Variants in CTSS observed in about 807,000 individuals in gnomAD.
The protein encoded by CTSS is cathepsin S.
A neutral mutation model predicts 39.9 loss-of-function variants in CTSS; 15 were observed. That is an observed-to-expected ratio of 0.38 (90% CI 0.25 to 0.58). The LOEUF (loss-of-function observed/expected upper bound fraction) is 0.58. CTSS is among the 20% of genes least tolerant of loss of function. The probability of loss-of-function intolerance (pLI) is 0.70; values close to 1 mark genes in which losing one functional copy is unlikely to be tolerated. For missense variants in CTSS, 250 were observed against 398.2 expected, an observed-to-expected ratio of 0.63 and a Z score of 3.17; for synonymous variants, 126 against 138.2, an observed-to-expected ratio of 0.91 and a Z score of 0.62.
chr1:150,762,426 C>T (rs181777604), intron 2 of CTSS, among the ~76,000 whole-genome samples: 36 of 152,044 alleles, frequency 2.4e-4, no homozygotes, highest in Admixed American at 2.2e-3. Flanking sequence ...AATAGACGAA[C>T]GGGACTCCAT....
intron 7 of CTSS, among the ~76,000 whole-genome samples, chr1:150,735,798 C>T (rs1198392392): frequency 6.6e-6 from 1 of 150,598 alleles, no homozygotes; most frequent in African/African-American, 2.4e-5. Flanking sequence ...GCTCTGTGGC[C>T]CAGGCTGGAG....
chr1:150,755,265 C>T, intron 3 of CTSS, 115 bp from the exon 4 acceptor site: 1 of 1,201,820 alleles, frequency 8.3e-7, no homozygotes, highest in East Asian at 2.4e-5. Flanking sequence ...TTACACAAAC[C>T]TAGAGCGTAT....
intron 7 of CTSS, among the ~76,000 whole-genome samples, chr1:150,734,796 G>A (rs1272801773): frequency 1.3e-5 from 2 of 151,990 alleles, no homozygotes; most frequent in African/African-American, 2.4e-5. Flanking sequence ...TAATGAAAAA[G>A]TCACCAAAAT....
chr1:150,753,949 C>CAAAAG (rs1447934454), intron 4 of CTSS, among the ~76,000 whole-genome samples: 4 of 149,882 alleles, frequency 2.7e-5, no homozygotes, highest in African/African-American at 9.8e-5. Flanking sequence ...TCAAACAAAA[C>CAAAAG]AAAACAAAAC....
chr1:150,763,146 A>G (rs1348488547), intron 2 of CTSS, among the ~76,000 whole-genome samples: 8 of 152,026 alleles, frequency 5.3e-5, no homozygotes, highest in African/African-American at 9.7e-5. Context: ...AACAACATGG[A>G]TGGGTCTAGA....
rs752207029 is a variant in CTSS at position 150,757,842 on chromosome 1, C to T, written c.249+16G>A. 105 of 1,604,094 alleles carry T rather than the reference C, an allele frequency of 6.5e-5. No homozygotes were observed. Among genetic ancestry groups the T allele is most frequent in the Non-Finnish European group, 8.8e-5 (103 of 1,173,438 alleles). On this transcript the variant is annotated intron_variant, in intron 3 of 7. Transcript: ENST00000368985. ...TTACCCAGACGTGAAAGTGGGATTT[C>T]TTGTAATGTACCTACCATGTCTCCC...
At chr1:150,761,135 C>T (rs587727007) in intron 2 of CTSS, among the ~76,000 whole-genome samples, 12 of 144,980 alleles carry the variant, frequency 8.3e-5, no homozygotes, top group Middle Eastern at 3.6e-3. Context: ...GCCGAGATTG[C>T]GCCACTGCAC....
At chr1:150,746,646 T>C (rs920208785) in intron 7 of CTSS, among the ~76,000 whole-genome samples, 1 of 152,186 alleles carries the variant, frequency 6.6e-6, no homozygotes, top group African/African-American at 2.4e-5. Context: ...AGATTGTGCC[T>C]GAGCTACTTC....
chr1:150,747,976 A>G (rs1652922844), intron 6 of CTSS, 97 bp from the exon 7 acceptor site: 1 of 791,602 alleles, frequency 1.3e-6, no homozygotes, highest in African/African-American at 1.8e-5. Context: ...TGCTTTGGAT[A>G]CATAGCAAGG....
chr1:150,756,106 GT>G (rs1044842899), intron 3 of CTSS, among the ~76,000 whole-genome samples: 13 of 151,946 alleles, frequency 8.6e-5, no homozygotes, highest in Non-Finnish European at 1.3e-4. Flanking sequence ...TTTTTTAAAA[GT>G]TTTTACACTT....
At chr1:150,735,370 C>T (rs1652611572) in intron 7 of CTSS, among the ~76,000 whole-genome samples, 1 of 152,206 alleles carries the variant, frequency 6.6e-6, no homozygotes, top group East Asian at 1.9e-4. Context: ...TCTACTCCCA[C>T]CTTACTGGTC....
At chr1:150,749,662 T>G (rs897000883) in intron 6 of CTSS, among the ~76,000 whole-genome samples, 1 of 150,038 alleles carries the variant, frequency 6.7e-6, no homozygotes. Context: ...TCTTCCTTGT[T>G]TTTTAGAGAC....
At chr1:150,738,497 T>C (rs1652681252) in intron 7 of CTSS, among the ~76,000 whole-genome samples, 1 of 151,978 alleles carries the variant, frequency 6.6e-6, no homozygotes, top group African/African-American at 2.4e-5. Context: ...GTGATTTTTT[T>C]TTTTTTTTTG....
intron 7 of CTSS, among the ~76,000 whole-genome samples, chr1:150,741,287 C>T (rs956671436): frequency 1.1e-4 from 16 of 152,142 alleles, no homozygotes; most frequent in African/African-American, 3.9e-4. Flanking sequence ...CATGAGCTTA[C>T]CACATTCAGC....
intron 3 of CTSS, 63 bp from the exon 4 acceptor site, chr1:150,755,213 C>T (rs1032510197): frequency 1.4e-5 from 21 of 1,554,132 alleles, no homozygotes; most frequent in Non-Finnish European, 1.8e-5. Context: ...AGAAATGCAT[C>T]GTTAGGTGAT....
chr1:150,738,992 C>T (rs587636216), intron 7 of CTSS, among the ~76,000 whole-genome samples: 3 of 152,122 alleles, frequency 2.0e-5, no homozygotes, highest in South Asian at 4.2e-4. Context: ...GACAAGAGTT[C>T]GAGACCAGCC....
chr1:150,761,641 G>A (rs1488402743), intron 2 of CTSS, among the ~76,000 whole-genome samples: 1 of 152,152 alleles, frequency 6.6e-6, no homozygotes, highest in East Asian at 1.9e-4. Flanking sequence ...TGAGGCAGGA[G>A]AATTGCTTGA....
intron 7 of CTSS, among the ~76,000 whole-genome samples, chr1:150,741,637 G>T (rs1230782962): frequency 6.6e-6 from 1 of 152,188 alleles, no homozygotes; most frequent in Non-Finnish European, 1.5e-5. Context: ...ACTTTGGGAG[G>T]CCAAGACAGG....
chr1:150,754,381 T>C (rs1037873719), intron 4 of CTSS, among the ~76,000 whole-genome samples: 2 of 151,690 alleles, frequency 1.3e-5, no homozygotes. Flanking sequence ...GGAAAAGTGC[T>C]GGGATTACAG....
Sources: allele counts gnomAD v4.1 joint callset (sites outside exome capture counted in the v4.1 genomes callset), GRCh38; gene constraint gnomAD v4.1.1; transcripts MANE v1.5; gene names NCBI Gene and HGNC (gene_info 2026-07-23, HGNC 2026-07-21).